LIN7C: variants seen among roughly 807,000 people sequenced by gnomAD.
The protein encoded by LIN7C is protein lin-7 homolog C.
In LIN7C, 17 loss-of-function variants were observed where a neutral mutation model predicts 24.7. The observed-to-expected ratio is 0.69, with a 90% confidence interval of 0.47 to 1.03. The LOEUF (loss-of-function observed/expected upper bound fraction) is 1.03. Among genes scored for constraint, LIN7C ranks in the 50% least tolerant of loss-of-function variants. The pLI, the probability that LIN7C is intolerant of heterozygous loss-of-function variation, is 0.00. For missense variants in LIN7C, 204 were observed against 239.0 expected (o/e 0.85, Z 0.97); for synonymous variants, 90 against 83.4 (o/e 1.08, Z -0.43).
rs72889590 is a variant in LIN7C at position 27,503,166 on chromosome 11, G to A, written c.38-1246C>T. On this transcript the variant is annotated intron_variant, in intron 1 of 4. Transcript: ENST00000278193. ...AACAAACAAACAAAAAAAACCCTAA[G>A]AGGTTGTATACATTTATACAAATGT... 2.7e-3 allele frequency among the ~76,000 whole-genome samples: 407 copies of A among 152,142 alleles called. 2 individuals are homozygous for A. Among genetic ancestry groups the A allele is most frequent in the South Asian group, 0.017 (84 of 4,810 alleles).
In LIN7C at chr11:27,501,795, T is replaced by C. The variant is rs1377378991; in HGVS notation, c.156+7A>G. ...AATTTTTGTAAATTTTAATGATGTT[T>C]ACTCACCTCTCTCACAGCATTGCAG... On this transcript the variant is annotated splice_region_variant and intron_variant, in intron 2 of 4. Transcript: ENST00000278193. 6.4e-7 allele frequency: 1 copy of C among 1,560,164 alleles called. No homozygotes were observed. Among genetic ancestry groups the C allele is most frequent in the Middle Eastern group, 1.7e-4 (1 of 5,944 alleles).
chr11:27,498,896 GAA>G, intron 4 of LIN7C, 92 bp from the exon 5 acceptor site: 1 of 1,092,372 alleles, frequency 9.2e-7, no homozygotes, highest in Non-Finnish European at 1.3e-6. Flanking sequence ...ATATAATGAA[GAA>G]AAGTTTTAAT....
chr11:27,499,055 C>A (rs1324379784), intron 4 of LIN7C, among the ~76,000 whole-genome samples: 1 of 151,892 alleles, frequency 6.6e-6, no homozygotes, highest in Non-Finnish European at 1.5e-5. Flanking sequence ...ATCTATATGC[C>A]TTATTATTTC....
intron 4 of LIN7C, 49 bp from the exon 5 acceptor site, chr11:27,498,853 A>G (rs774044455): frequency 3.9e-6 from 6 of 1,530,990 alleles, no homozygotes; most frequent in Non-Finnish European, 5.3e-6. Context: ...TAAGTTTTGA[A>G]AGTAACTCAA....
chr11:27,498,553 G>C lies in LIN7C; in HGVS notation c.*96C>G. 1 of 1,141,218 alleles carries C rather than the reference G, an allele frequency of 8.8e-7. No individual in the cohort carries two copies. The highest frequency in any genetic ancestry group is 1.3e-6 in the Non-Finnish European group (1 of 793,774). 70.7% of individuals were successfully genotyped at this position (1,141,218 alleles called of 1,614,324 possible). Reference sequence around the variant, plus strand: ...GGAGAATTTCATGATAAATTTGTTTGTTTTCTTACAATCATTGGCATTGCA... The same window carrying C: ...GGAGAATTTCATGATAAATTTGTTTCTTTTCTTACAATCATTGGCATTGCA... On this transcript the variant is annotated 3_prime_UTR_variant, in exon 5 of 5. Transcript: ENST00000278193.
chr11:27,505,739 C>A (rs1365562635), intron 1 of LIN7C, among the ~76,000 whole-genome samples: 2 of 152,164 alleles, frequency 1.3e-5, no homozygotes, highest in African/African-American at 4.8e-5. Flanking sequence ...TTAATATGTG[C>A]AATATAATTT....
rs1404757841 is a variant in LIN7C, at chr11:27,501,682, TGA to T, written c.156+118_157-117del. 6 of 895,954 alleles carry T rather than the reference TGA, an allele frequency of 6.7e-6. No individual in the cohort carries two copies. The African/African-American group carries it at 8.4e-5, about 13-fold the overall frequency. 55.5% of individuals were successfully genotyped at this position (895,954 alleles called of 1,614,324 possible). A position where few individuals can be genotyped will look rare whatever the true frequency, so the allele number is the denominator to read the frequency against. ...ATGGTTTTATCAGAAATTCCAAAAA[TGA>T]GAGGGACTGGTTTTAATGTTTTCTA... is the stretch of plus-strand genomic sequence containing the variant. On this transcript the variant is annotated intron_variant, in intron 2 of 4. Transcript: ENST00000278193.
intron 3 of LIN7C, among the ~76,000 whole-genome samples, 192 bp downstream of exon 3, chr11:27,501,303 G>A (rs1264021013): frequency 6.6e-6 from 1 of 151,956 alleles, no homozygotes; most frequent in East Asian, 1.9e-4. Flanking sequence ...GCTTATGTAA[G>A]CTATTTATCA....
chr11:27,506,613 C>T, intron 1 of LIN7C, 103 bp downstream of exon 1: 2 of 1,339,592 alleles, frequency 1.5e-6, no homozygotes, highest in South Asian at 1.2e-5. Context: ...CAAGGGACAG[C>T]GTGGCCCGGA....
Position 27,498,484 on chromosome 11 carries a change from TG to T in LIN7C, c.*164del. 3.0e-6 allele frequency: 2 copies of T among 663,538 alleles called. No individual in the cohort carries two copies. The highest frequency in any genetic ancestry group is 4.9e-6 in the Non-Finnish European group (2 of 405,276). 41.1% of individuals were successfully genotyped at this position (663,538 alleles called of 1,614,324 possible). A position where few individuals can be genotyped will look rare whatever the true frequency, so the allele number is the denominator to read the frequency against. On this transcript the variant is annotated 3_prime_UTR_variant, in exon 5 of 5. Coordinates refer to ENST00000278193, the MANE Select transcript of LIN7C (RefSeq NM_018362.4). ...TGTCAGAAAAAAGTGTATGCATCTC[TG>T]GAACCATAAATGATGTTAAAATAGG... is the stretch of plus-strand genomic sequence containing the variant.
chr11:27,502,660 T>C (rs751545155), intron 1 of LIN7C, among the ~76,000 whole-genome samples: 1 of 152,212 alleles, frequency 6.6e-6, no homozygotes, highest in Admixed American at 6.5e-5. Context: ...ATGATGTCCT[T>C]ATGTCTCAGT....
chr11:27,505,017 C>A (rs1865262491), intron 1 of LIN7C, among the ~76,000 whole-genome samples: 1 of 152,158 alleles, frequency 6.6e-6, no homozygotes, highest in African/African-American at 2.4e-5. Flanking sequence ...ACAGAAGTTC[C>A]ACATTTTGTG....
Position 27,496,552 on chromosome 11 carries a change from A to G in LIN7C, c.*2097T>C, listed in dbSNP as rs1166963880. 3 of 152,196 alleles carry G rather than the reference A, an allele frequency of 2.0e-5. No individual in the cohort carries two copies. The highest frequency in any genetic ancestry group is 4.8e-5 in the African/African-American group (2 of 41,464). 9.4% of individuals were successfully genotyped at this position (152,196 alleles called of 1,614,324 possible). A position where few individuals can be genotyped will look rare whatever the true frequency, so the allele number is the denominator to read the frequency against. On this transcript the variant is annotated 3_prime_UTR_variant, in exon 5 of 5. Transcript: ENST00000278193. ...AACAACCTACTGCTATTCATGCTCA[A>G]CAGTAGCAAGCTAAACTACTGTACT...
intron 3 of LIN7C, among the ~76,000 whole-genome samples, chr11:27,499,798 T>C (rs568692438): frequency 6.6e-6 from 1 of 150,748 alleles, no homozygotes; most frequent in East Asian, 2.1e-4. Context: ...AATTTTTTTG[T>C]ATTTTTTTTT....
rs535798107 is a variant in LIN7C, at chr11:27,496,508, T to C, written c.*2141A>G. The C allele has an allele frequency of 2.2e-4, 33 of 152,300 alleles. No individual in the cohort carries two copies. Among genetic ancestry groups the C allele is most frequent in the African/African-American group, 7.7e-4 (32 of 41,580 alleles). The allele number at this position is 152,300 out of a possible 1,614,324, so 9.4% of individuals were successfully genotyped here. ...AGATTTAAAATTCTGGGATACATTA[T>C]GAAAACTGCATTAATGAAAACAACC... On this transcript the variant is annotated 3_prime_UTR_variant, in exon 5 of 5. Transcript: ENST00000278193.
chr11:27,496,469 T>C lies in LIN7C; in HGVS notation c.*2180A>G, dbSNP rs553217201. ...ACATCTTTGCCAATGAATGACTGTA[T>C]TTTTCTATGGTCAAGATTTAAAATT... On this transcript the variant is annotated 3_prime_UTR_variant, in exon 5 of 5. Transcript: ENST00000278193. 2 of 152,304 alleles carry C rather than the reference T, an allele frequency of 1.3e-5. No homozygotes were observed. Among genetic ancestry groups the C allele is most frequent in the South Asian group, 4.1e-4 (2 of 4,824 alleles). 9.4% of individuals were successfully genotyped at this position (152,304 alleles called of 1,614,324 possible).
chr11:27,499,961 C>T (rs1456953468), intron 3 of LIN7C, among the ~76,000 whole-genome samples: 1 of 152,122 alleles, frequency 6.6e-6, no homozygotes, highest in Non-Finnish European at 1.5e-5. Flanking sequence ...CTTTTGAGCA[C>T]GTATTTTTGA....
In LIN7C at chr11:27,501,418, T is replaced by G. The variant is rs1865224674; in HGVS notation, c.228+77A>C. On this transcript the variant is annotated intron_variant, in intron 3 of 4. Coordinates refer to ENST00000278193, the MANE Select transcript of LIN7C (RefSeq NM_018362.4). ...CATGTTAGTCTTCAAAGTAAGTTTA[T>G]TATGAATTTAATAACTCCATATTTT... The G allele has an allele frequency of 2.1e-5, 19 of 899,128 alleles. No homozygotes were observed. In the South Asian group the frequency reaches 2.8e-4, roughly 13 times the overall value. The allele number at this position is 899,128 out of a possible 1,614,324, so 55.7% of individuals were successfully genotyped here. A position where few individuals can be genotyped will look rare whatever the true frequency, so the allele number is the denominator to read the frequency against.
At chr11:27,506,242 A>C (rs1413006469) in intron 1 of LIN7C, among the ~76,000 whole-genome samples, 3 of 152,206 alleles carry the variant, frequency 2.0e-5, no homozygotes, top group Non-Finnish European at 4.4e-5. Context: ...ACCCGAATAC[A>C]AGCGAGGTTG....
Sources: allele counts gnomAD v4.1 joint callset (sites outside exome capture counted in the v4.1 genomes callset), GRCh38; gene constraint gnomAD v4.1.1; transcripts MANE v1.5; gene names NCBI Gene and HGNC (gene_info 2026-07-23, HGNC 2026-07-21).